CDH13: variants seen among roughly 807,000 people sequenced by gnomAD.
CDH13 encodes the protein cadherin-13.
A neutral mutation model predicts 63.8 loss-of-function variants in CDH13; 24 were observed. The ratio of observed to expected loss-of-function variants is 0.38; its 90% CI spans 0.27 to 0.53. The LOEUF (loss-of-function observed/expected upper bound fraction) is 0.53. Ranked by LOEUF, CDH13 falls within the 20% of genes least tolerant of loss-of-function variation. The pLI is 0.85. For synonymous variants in CDH13, 503 were observed against 355.3 expected (o/e 1.42, Z -4.67); for missense variants, 1,049 against 903.1 (o/e 1.16, Z -2.07).
intron 2 of CDH13, among the ~76,000 whole-genome samples, chr16:82,871,212 A>C (rs75170113): frequency 0.01 from 1,577 of 152,310 alleles, 33 homozygotes; most frequent in African/African-American, 0.036. Context: ...ATCTGTTTTC[A>C]GTGTTTTGAA....
chr16:83,004,233 T>A (rs776848577), intron 2 of CDH13, among the ~76,000 whole-genome samples: 1 of 152,050 alleles, frequency 6.6e-6, no homozygotes, highest in Non-Finnish European at 1.5e-5. Context: ...GAGTCAGGGA[T>A]AAAGATAGGG....
intron 4 of CDH13, among the ~76,000 whole-genome samples, chr16:83,135,019 C>G (rs1256019132): frequency 6.6e-6 from 1 of 152,186 alleles, no homozygotes; most frequent in Non-Finnish European, 1.5e-5. Context: ...TGTGAACATT[C>G]AAGGACCAGG....
intron 6 of CDH13, among the ~76,000 whole-genome samples, chr16:83,356,243 T>G (rs1039438086): frequency 1.3e-5 from 2 of 151,184 alleles, no homozygotes; most frequent in African/African-American, 4.9e-5. Context: ...TGTGTGTGTG[T>G]GTGTGTGTGT....
At chr16:82,862,539 T>C (rs1597832438) in intron 2 of CDH13, among the ~76,000 whole-genome samples, 1 of 141,760 alleles carries the variant, frequency 7.1e-6, no homozygotes. Context: ...ATTGGCCACA[T>C]AGCCACCATT....
chr16:83,086,239 G>T (rs1054989978), intron 3 of CDH13, among the ~76,000 whole-genome samples: 9 of 152,188 alleles, frequency 5.9e-5, no homozygotes, highest in African/African-American at 1.9e-4. Flanking sequence ...AAACAGTCAA[G>T]ACATTTCCCC....
At chr16:83,783,718 G>A (rs1392213764) in intron 13 of CDH13, among the ~76,000 whole-genome samples, 1 of 152,202 alleles carries the variant, frequency 6.6e-6, no homozygotes, top group Non-Finnish European at 1.5e-5. Flanking sequence ...TTGCTAGCCT[G>A]CAAACTAGGT....
chr16:82,934,808 C>A (rs1015264244), intron 2 of CDH13, among the ~76,000 whole-genome samples: 1 of 152,210 alleles, frequency 6.6e-6, no homozygotes, highest in Non-Finnish European at 1.5e-5. Context: ...TCAACAAGTT[C>A]CTCATCTCTG....
At chr16:83,283,187 G>T (rs1298316384) in intron 5 of CDH13, among the ~76,000 whole-genome samples, 1 of 152,108 alleles carries the variant, frequency 6.6e-6, no homozygotes, top group Admixed American at 6.5e-5. Context: ...CTCCATCCTG[G>T]CTGAATGTTT....
chr16:83,692,632 ACT>A (rs1905023083), intron 10 of CDH13, among the ~76,000 whole-genome samples: 2 of 152,276 alleles, frequency 1.3e-5, no homozygotes, highest in African/African-American at 4.8e-5. Flanking sequence ...GCAAATAGAG[ACT>A]TTCGGACTTG....
At chr16:82,712,922 A>G (rs2032064372) in intron 1 of CDH13, among the ~76,000 whole-genome samples, 1 of 151,886 alleles carries the variant, frequency 6.6e-6, no homozygotes, top group South Asian at 2.1e-4. Context: ...TACTTGTCCT[A>G]TCTCCTCTCC....
chr16:83,102,911 C>CTTTTTTTTTTCTTTTTCT (rs2034555022), intron 3 of CDH13, among the ~76,000 whole-genome samples: 48 of 96,574 alleles, frequency 5.0e-4, no homozygotes, highest in South Asian at 2.7e-3. Context: ...ATTAAACTTT[C>CTTTTTTTTTTCTTTTTCT]TTTTTTTTTT....
chr16:82,671,021 CA>C (rs1294610993), intron 1 of CDH13, among the ~76,000 whole-genome samples: 23 of 152,194 alleles, frequency 1.5e-4, no homozygotes, highest in Non-Finnish European at 2.4e-4. Flanking sequence ...TACACTATGT[CA>C]AGCACTTTTC....
chr16:82,858,535 A>T, intron 2 of CDH13, 62 bp downstream of exon 2: 1 of 1,015,754 alleles, frequency 9.8e-7, no homozygotes, highest in Non-Finnish European at 1.6e-6. Flanking sequence ...ACTAATGTTT[A>T]TGACTGTGTC....
intron 6 of CDH13, among the ~76,000 whole-genome samples, chr16:83,389,640 C>T (rs551193360): frequency 6.6e-6 from 1 of 152,294 alleles, no homozygotes; most frequent in East Asian, 1.9e-4. Flanking sequence ...TGGTCACTTC[C>T]TTATGGTGTC....
chr16:83,635,559 G>A (rs8059466), intron 8 of CDH13, among the ~76,000 whole-genome samples: 148,480 of 151,874 alleles, frequency 0.98, 72,676 homozygotes, highest in East Asian at 1. Flanking sequence ...GGCCAGGCTG[G>A]TCTCGAACTC....
At chr16:83,789,657 G>A (rs1443873156) in intron 13 of CDH13, among the ~76,000 whole-genome samples, 1 of 151,966 alleles carries the variant, frequency 6.6e-6, no homozygotes, top group Non-Finnish European at 1.5e-5. Flanking sequence ...CCTGAAATTA[G>A]CTATTAAAGT....
intron 1 of CDH13, among the ~76,000 whole-genome samples, chr16:82,667,572 G>A (rs74028523): frequency 9.7e-5 from 14 of 144,350 alleles, no homozygotes; most frequent in African/African-American, 3.4e-4. Context: ...CTTGGCAAGG[G>A]CGGAGAGGCT....
chr16:83,287,530 A>G (rs1024291793), intron 5 of CDH13, among the ~76,000 whole-genome samples: 28 of 152,292 alleles, frequency 1.8e-4, no homozygotes, highest in Admixed American at 9.1e-4. Context: ...TGTGTGTGCA[A>G]GGGATCTAGG....
chr16:82,953,062 G>T (rs1419985347), intron 2 of CDH13, among the ~76,000 whole-genome samples: 1 of 152,148 alleles, frequency 6.6e-6, no homozygotes, highest in Non-Finnish European at 1.5e-5. Flanking sequence ...CCTCTTTGCT[G>T]TACTGTTCCA....
Sources: allele counts gnomAD v4.1 joint callset (sites outside exome capture counted in the v4.1 genomes callset), GRCh38; gene constraint gnomAD v4.1.1; transcripts MANE v1.5; gene names NCBI Gene and HGNC (gene_info 2026-07-23, HGNC 2026-07-21).